Variants in SPG11 observed in about 807,000 individuals in gnomAD.
SPG11 encodes the protein SPG11 vesicle trafficking associated, spatacsin, also known as spatacsin.
Under a neutral mutation model 274.0 loss-of-function variants are expected in SPG11, and 222 were observed. The ratio of observed to expected loss-of-function variants is 0.81; its 90% CI spans 0.73 to 0.91. The LOEUF is 0.91. Ranked by LOEUF, SPG11 falls within the 40% of genes least tolerant of loss-of-function variation. SPG11 has a pLI of 0.00. For missense variants in SPG11, 3,114 were observed against 2,872.7 expected (o/e 1.08, Z -1.92); for synonymous variants, 1,144 against 1,039.7 (o/e 1.10, Z -1.93).
At position 44,613,546 on chromosome 15, in the gene SPG11, A is replaced by C. The variant is rs1567163243; in HGVS notation, c.3039-10T>G. On this transcript the variant is annotated splice_polypyrimidine_tract_variant and intron_variant, in intron 16 of 39. Coordinates refer to ENST00000261866, the MANE Select transcript of SPG11 (RefSeq NM_025137.4). ...ATTTTCAGGACTAAGTCTGTATATA[A>C]AACAAACAAAAACCTTCTTTGATTA... 6.5e-7 allele frequency: 1 copy of C among 1,541,170 alleles called. No homozygotes were observed. Among genetic ancestry groups the C allele is most frequent in the Non-Finnish European group, 9.0e-7 (1 of 1,114,134 alleles).
At chr15:44,579,526 CAAAAAA>C (rs954664107) in intron 30 of SPG11, among the ~76,000 whole-genome samples, 1 of 51,870 alleles carries the variant, frequency 1.9e-5, no homozygotes, top group African/African-American at 7.4e-5. Context: ...GACTCCGTCT[CAAAAAA>C]AAAAAAAAAA....
chr15:44,605,719 T>C (rs1188948311), intron 20 of SPG11, among the ~76,000 whole-genome samples: 1 of 152,220 alleles, frequency 6.6e-6, no homozygotes, highest in African/African-American at 2.4e-5. Flanking sequence ...TGTTTAATGC[T>C]GACACCTATG....
At chr15:44,623,885 C>T (rs1254881028) in intron 11 of SPG11, among the ~76,000 whole-genome samples, 6 of 151,938 alleles carry the variant, frequency 3.9e-5, no homozygotes, top group Non-Finnish European at 8.8e-5. Flanking sequence ...CTCAGCCTCC[C>T]GAATAGCTGG....
intron 8 of SPG11, among the ~76,000 whole-genome samples, chr15:44,630,246 GATTACATCTGTGAGATGTATGAGAATTA>G: frequency 6.6e-6 from 1 of 152,194 alleles, no homozygotes; most frequent in African/African-American, 2.4e-5. Context: ...GCCCCCCGTG[GATTACATCTGTGAGATGTATGAGAATTA>G]TGGGAAACGG....
intron 30 of SPG11, among the ~76,000 whole-genome samples, chr15:44,578,469 A>G (rs2082592190): frequency 6.6e-6 from 1 of 152,106 alleles, no homozygotes; most frequent in African/African-American, 2.4e-5. Context: ...AGTGGGGGTA[A>G]CTAAACCTTC....
rs1376037027 is a variant in SPG11 at position 44,641,522 on chromosome 15, C to T, written c.1602+7344G>A. ...AACCAATAAGAAAAAGAAAAATACCCGAAAAGAAAAATAGGCAAAAAACTT... is the reference window on the plus strand; with the variant it reads ...AACCAATAAGAAAAAGAAAAATACCTGAAAAGAAAAATAGGCAAAAAACTT... On this transcript the variant is annotated intron_variant, in intron 7 of 39. Coordinates refer to ENST00000261866, the MANE Select transcript of SPG11 (RefSeq NM_025137.4). Among the ~76,000 whole-genome samples the T allele has an allele frequency of 2.0e-5, 3 of 147,358 alleles. No homozygotes were observed. In the East Asian group the frequency reaches 6.0e-4, roughly 30 times the overall value.
chr15:44,648,196 G>A (rs1195757324), intron 7 of SPG11, among the ~76,000 whole-genome samples: 2 of 152,168 alleles, frequency 1.3e-5, no homozygotes, highest in African/African-American at 2.4e-5. Flanking sequence ...TTCAGGTTAT[G>A]CCTCTTCTGA....
chr15:44,608,659 G>C (rs2083384448), intron 18 of SPG11, 54 bp from the exon 19 acceptor site: 1 of 1,573,816 alleles, frequency 6.4e-7, no homozygotes, highest in East Asian at 2.3e-5. Flanking sequence ...TCTTCTCAAA[G>C]TTTCTTTTTT....
intron 27 of SPG11, among the ~76,000 whole-genome samples, chr15:44,589,939 T>TG (rs1285199872): frequency 6.6e-6 from 1 of 152,234 alleles, no homozygotes; most frequent in Non-Finnish European, 1.5e-5. Context: ...CCTGAGTAGC[T>TG]GGGATTACAG....
At chr15:44,598,891 G>A (rs1370049416) in intron 21 of SPG11, 55 bp from the exon 22 acceptor site, 1 of 1,542,886 alleles carries the variant, frequency 6.5e-7, no homozygotes. Flanking sequence ...TGTCTCACCA[G>A]GAAAAGCAAA....
chr15:44,582,861 G>T (rs529400195), intron 30 of SPG11, among the ~76,000 whole-genome samples: 2 of 152,024 alleles, frequency 1.3e-5, no homozygotes, highest in South Asian at 4.2e-4. Context: ...GGAACAGAAG[G>T]GAACTTTTTC....
At chr15:44,596,968 G>T in intron 23 of SPG11, 25 bp from the exon 24 acceptor site, 1 of 1,612,934 alleles carries the variant, frequency 6.2e-7, no homozygotes, top group Non-Finnish European at 8.5e-7. Flanking sequence ...AGAGGTGGGG[G>T]TGGTCAAGAA....
At chr15:44,636,439 G>A (rs79909423) in intron 7 of SPG11, among the ~76,000 whole-genome samples, 4 of 151,420 alleles carry the variant, frequency 2.6e-5, no homozygotes, top group Admixed American at 1.3e-4. Context: ...AAAAAAAAAG[G>A]TACAATTAAA....
At position 44,629,192 on chromosome 15, in the gene SPG11, A is replaced by G. The variant is rs772673061; in HGVS notation, c.1891+41T>C. 3 of 1,602,700 alleles carry G rather than the reference A, an allele frequency of 1.9e-6. No individual in the cohort carries two copies. In the African/African-American group the frequency reaches 4.0e-5, roughly 21 times the overall value. On this transcript the variant is annotated intron_variant, in intron 9 of 39. Transcript: ENST00000261866. ...GCAGCACTTGTATCTGTTCTGACAC[A>G]GGAACAGTAGAATTGCCCCCTTCCT...
intron 20 of SPG11, chr15:44,603,988 G>C (rs1245375150): frequency 5.8e-6 from 1 of 171,230 alleles, no homozygotes; most frequent in Non-Finnish European, 1.3e-5. Flanking sequence ...CAGTTAGAAA[G>C]AAATAGTCAC....
chr15:44,621,675 T>G, intron 14 of SPG11, 84 bp downstream of exon 14: 1 of 1,323,394 alleles, frequency 7.6e-7, no homozygotes, highest in Non-Finnish European at 1.1e-6. Flanking sequence ...ATTCTAAAAT[T>G]GAGACACATC....
At chr15:44,563,637 CT>C (rs149567716) in intron 39 of SPG11, among the ~76,000 whole-genome samples, 72 of 150,244 alleles carry the variant, frequency 4.8e-4, no homozygotes, top group Middle Eastern at 3.7e-3. Flanking sequence ...TGTGGCTGCC[CT>C]TTTTTTTCTC....
At chr15:44,575,296 C>T in intron 30 of SPG11, 1 of 463,002 alleles carries the variant, frequency 2.2e-6, no homozygotes, top group South Asian at 2.5e-5. Flanking sequence ...CTCTAGAGAT[C>T]AGCACCAAAG....
chr15:44,643,346 C>T (rs773553357), intron 7 of SPG11, among the ~76,000 whole-genome samples: 1 of 152,014 alleles, frequency 6.6e-6, no homozygotes, highest in South Asian at 2.1e-4. Flanking sequence ...GGAAATAACA[C>T]CCAAATAGTA....
Sources: allele counts gnomAD v4.1 joint callset (sites outside exome capture counted in the v4.1 genomes callset), GRCh38; gene constraint gnomAD v4.1.1; transcripts MANE v1.5; gene names NCBI Gene and HGNC (gene_info 2026-07-23, HGNC 2026-07-21).